LRRIQ1: variants seen among roughly 807,000 people sequenced by gnomAD.
LRRIQ1 encodes leucine rich repeats and IQ motif containing 1.
In LRRIQ1, 210 loss-of-function variants were observed where a neutral mutation model predicts 211.9. The observed-to-expected ratio is 0.99, with a 90% CI of 0.89 to 1.11. The LOEUF (loss-of-function observed/expected upper bound fraction) is 1.11. Ranked by LOEUF, LRRIQ1 falls within the 50% of genes most tolerant of loss-of-function variation. LRRIQ1 has a pLI of 0.00. For missense variants in LRRIQ1, 2,136 were observed against 1,939.5 expected (o/e 1.10, Z -1.90); for synonymous variants, 699 against 650.1 (o/e 1.08, Z -1.14).
chr12:85,077,312 A>T (rs1883770993), intron 11 of LRRIQ1, among the ~76,000 whole-genome samples: 1 of 152,212 alleles, frequency 6.6e-6, no homozygotes, highest in Non-Finnish European at 1.5e-5. Context: ...CATGGGCATG[A>T]GCCCTTTGAA....
At chr12:85,037,487 TTTTTC>T (rs1169621926) in intron 1 of LRRIQ1, among the ~76,000 whole-genome samples, 1 of 152,156 alleles carries the variant, frequency 6.6e-6, no homozygotes, top group East Asian at 1.9e-4. Flanking sequence ...TTTCACTTTG[TTTTTC>T]TTTTCTTTTC....
chr12:85,240,948 A>G (rs1165859941), intron 26 of LRRIQ1, among the ~76,000 whole-genome samples: 1 of 152,134 alleles, frequency 6.6e-6, no homozygotes, highest in Non-Finnish European at 1.5e-5. Flanking sequence ...AGTTGAATCT[A>G]TACATATTAA....
intron 24 of LRRIQ1, 79 bp from the exon 25 acceptor site, chr12:85,229,438 T>C: frequency 8.9e-7 from 1 of 1,126,064 alleles, no homozygotes; most frequent in Non-Finnish European, 1.2e-6. Context: ...TGTGATAAAA[T>C]GTTTAGCACA....
intron 24 of LRRIQ1, among the ~76,000 whole-genome samples, chr12:85,176,711 G>A (rs1329253752): frequency 6.7e-6 from 1 of 150,360 alleles, no homozygotes; most frequent in Non-Finnish European, 1.5e-5. Context: ...CCTGCACAAT[G>A]TGCACATGTA....
chr12:85,224,332 G>A (rs1894544718), intron 24 of LRRIQ1, among the ~76,000 whole-genome samples: 1 of 151,518 alleles, frequency 6.6e-6, no homozygotes, highest in African/African-American at 2.4e-5. Flanking sequence ...GTGGAAGACA[G>A]TGTGGCAATC....
chr12:85,138,056 A>G (rs1349905384), intron 19 of LRRIQ1, 87 bp downstream of exon 19: 5 of 797,934 alleles, frequency 6.3e-6, no homozygotes, highest in Non-Finnish European at 9.6e-6. Context: ...TAAGGTGTTT[A>G]TCCTATTAAT....
In LRRIQ1 at chr12:85,098,472, A is replaced by G. The variant is rs367820798; in HGVS notation, c.3005A>G (p.His1002Arg). The G allele has an allele frequency of 1.9e-6, 3 of 1,612,286 alleles. No homozygotes were observed. Among genetic ancestry groups the G allele is most frequent in the Non-Finnish European group, 2.5e-6 (3 of 1,179,158 alleles). ...TIVYLDCSHN[H>R]LTDVEGVENC... Reference sequence around the variant, plus strand: ...GTATACCTAGATTGCTCCCATAATCATCTTACTGATGTAGAGGGCGTTGAA... The same window carrying G: ...GTATACCTAGATTGCTCCCATAATCGTCTTACTGATGTAGAGGGCGTTGAA... The change falls in exon 12 of 27, where the codon CAT becomes CGT. Residue 1002 changes from histidine (H) to arginine (R), a missense_variant. His to Arg is a conservative substitution (Grantham distance 29). Coordinates refer to ENST00000393217, the MANE Select transcript of LRRIQ1 (RefSeq NM_001079910.2).
intron 11 of LRRIQ1, among the ~76,000 whole-genome samples, chr12:85,082,217 CTAT>C (rs952729743): frequency 6.6e-6 from 1 of 151,994 alleles, no homozygotes; most frequent in Non-Finnish European, 1.5e-5. Flanking sequence ...AAGTATCAAT[CTAT>C]TATTATTATT....
At chr12:85,083,868 T>C (rs529894196) in intron 11 of LRRIQ1, among the ~76,000 whole-genome samples, 1 of 152,348 alleles carries the variant, frequency 6.6e-6, no homozygotes, top group South Asian at 2.1e-4. Context: ...GATTGTTTTC[T>C]GTGCATTTGG....
intron 24 of LRRIQ1, among the ~76,000 whole-genome samples, chr12:85,182,882 G>A (rs1356519820): frequency 1.3e-5 from 2 of 152,118 alleles, no homozygotes; most frequent in African/African-American, 4.8e-5. Context: ...AGAAAGGCCC[G>A]AGGCAGTGTT....
At chr12:85,065,201 A>G (rs907894789) in intron 8 of LRRIQ1, 61 bp from the exon 9 acceptor site, 7 of 1,367,470 alleles carry the variant, frequency 5.1e-6, no homozygotes, top group African/African-American at 1.5e-5. Flanking sequence ...TAAGGCTAAT[A>G]TTGTTTATAT....
intron 26 of LRRIQ1, among the ~76,000 whole-genome samples, chr12:85,233,224 G>A (rs1028999722): frequency 2.6e-5 from 4 of 151,996 alleles, no homozygotes; most frequent in Admixed American, 1.3e-4. Context: ...TCAACATAAT[G>A]ATCAGAATAA....
chr12:85,251,280 C>T (rs1447005254), intron 1 of LRRIQ1, among the ~76,000 whole-genome samples: 1 of 151,462 alleles, frequency 6.6e-6, no homozygotes, highest in African/African-American at 2.4e-5. Flanking sequence ...TTTTCTCTTT[C>T]CTTTCCTCTA....
the LRRIQ1 span, among the ~76,000 whole-genome samples, chr12:85,271,605 T>C: frequency 2.6e-5 from 4 of 152,132 alleles, no homozygotes; most frequent in African/African-American, 9.7e-5. Flanking sequence ...TTCAGTGTAT[T>C]TTGAAGATCT....
intron 19 of LRRIQ1, among the ~76,000 whole-genome samples, chr12:85,140,030 G>GA (rs1386135850): frequency 1.3e-5 from 2 of 150,958 alleles, no homozygotes; most frequent in Admixed American, 6.6e-5. Flanking sequence ...TCTATGTAAT[G>GA]AAAAAAACTA....
intron 26 of LRRIQ1, among the ~76,000 whole-genome samples, chr12:85,233,299 A>G (rs980393245): frequency 6.6e-6 from 1 of 151,922 alleles, no homozygotes; most frequent in Non-Finnish European, 1.5e-5. Context: ...CTACTAGATA[A>G]GCAGAAGGAG....
chr12:85,128,069 G>A, intron 18 of LRRIQ1, 36 bp downstream of exon 18: 1 of 1,402,468 alleles, frequency 7.1e-7, no homozygotes, highest in Non-Finnish European at 1.0e-6. Flanking sequence ...AGTTACAAAA[G>A]ATATATTAGT....
chr12:85,224,549 C>A (rs527578913), intron 24 of LRRIQ1, among the ~76,000 whole-genome samples: 1 of 152,174 alleles, frequency 6.6e-6, no homozygotes, highest in East Asian at 1.9e-4. Context: ...GAATACTATG[C>A]AGCCATCAAA....
intron 7 of LRRIQ1, among the ~76,000 whole-genome samples, chr12:85,053,873 A>G (rs1880640908): frequency 6.6e-6 from 1 of 152,130 alleles, no homozygotes; most frequent in African/African-American, 2.4e-5. Context: ...GCGCCCAGCT[A>G]ATTTTTTGTA....
Sources: allele counts gnomAD v4.1 joint callset (sites outside exome capture counted in the v4.1 genomes callset), GRCh38; gene constraint gnomAD v4.1.1; transcripts MANE v1.5; gene names NCBI Gene and HGNC (gene_info 2026-07-23, HGNC 2026-07-21).